The following PTPRN2 variants were observed in gnomAD, a reference collection of about 807,000 sequenced individuals.
The protein encoded by PTPRN2 is receptor-type tyrosine-protein phosphatase N2.
In PTPRN2, 74 loss-of-function variants were observed where a neutral mutation model predicts 118.8. The ratio of observed to expected loss-of-function variants is 0.62; its 90% CI spans 0.52 to 0.76. The LOEUF (loss-of-function observed/expected upper bound fraction) is 0.76. Ranked by LOEUF, PTPRN2 falls within the 30% of genes least tolerant of loss-of-function variation. PTPRN2 has a pLI of 0.00. For synonymous variants in PTPRN2, 641 were observed against 608.0 expected (o/e 1.05, Z -0.80); for missense variants, 1,481 against 1,394.4 (o/e 1.06, Z -0.99).
At chr7:158,390,145 G>A (rs57972912) in intron 2 of PTPRN2, among the ~76,000 whole-genome samples, 4,810 of 148,550 alleles carry the variant, frequency 0.032, 96 homozygotes, top group Middle Eastern at 0.086. Context: ...CTCATCCCCC[G>A]GCTGCTGAGT....
intron 2 of PTPRN2, among the ~76,000 whole-genome samples, chr7:158,334,545 C>A (rs1276558469): frequency 4.0e-4 from 44 of 109,244 alleles, no homozygotes; most frequent in Non-Finnish European, 5.2e-4. Context: ...TCACTCACAC[C>A]CACACTCTCA....
chr7:158,050,087 A>T lies in PTPRN2; in HGVS notation c.1723+31211T>A, dbSNP rs1809213380. 4.6e-5 allele frequency among the ~76,000 whole-genome samples: 7 copies of T among 152,350 alleles called. No individual in the cohort carries two copies. The South Asian group carries it at 1.4e-3, about 32-fold the overall frequency. On this transcript the variant is annotated intron_variant, in intron 11 of 22. Transcript: ENST00000389418. Reference sequence around the variant, plus strand: ...AAAATACATGTAGGGTAATGGGCACATTGTGATTTATATAACAAGCGTGTT... The same window carrying T: ...AAAATACATGTAGGGTAATGGGCACTTTGTGATTTATATAACAAGCGTGTT...
At chr7:158,062,190 G>A (rs184894880) in intron 11 of PTPRN2, among the ~76,000 whole-genome samples, 45 of 152,378 alleles carry the variant, frequency 3.0e-4, no homozygotes, top group Admixed American at 6.5e-4. Context: ...GCAGAGGAGC[G>A]TTGGCCCAGT....
At position 158,514,676 on chromosome 7, in the gene PTPRN2, C is replaced by A. The variant is rs184676901; in HGVS notation, c.113-24891G>T. 1.7e-3 allele frequency among the ~76,000 whole-genome samples: 263 copies of A among 152,320 alleles called. 3 individuals carry two copies. Among genetic ancestry groups the A allele is most frequent in the Middle Eastern group, 6.8e-3 (2 of 294 alleles). ...ATACCTACTTTCCAAACACATCATC[C>A]ATCAACATGCATGCAGCTGTTTACT... On this transcript the variant is annotated intron_variant, in intron 1 of 22. Coordinates refer to ENST00000389418, the MANE Select transcript of PTPRN2 (RefSeq NM_002847.5).
intron 2 of PTPRN2, among the ~76,000 whole-genome samples, chr7:158,372,472 C>G (rs1328924186): frequency 6.6e-6 from 1 of 151,046 alleles, no homozygotes; most frequent in African/African-American, 2.4e-5. Flanking sequence ...AGCTGATCCC[C>G]CCAATGCTGG....
In PTPRN2 at chr7:158,003,296, C is replaced by T. The variant is rs1006502667; in HGVS notation, c.1723+78002G>A. ...GGGCGTGTTGGCGGGCGCCTGTAGT[C>T]CCAGCTACTTGGGAGGCTGAGGCAG... On this transcript the variant is annotated intron_variant, in intron 11 of 22. Coordinates refer to ENST00000389418, the MANE Select transcript of PTPRN2 (RefSeq NM_002847.5). This position sits in a 1 kb window ranked among gnomAD's most constrained non-coding sequence, Gnocchi z 5.0. Among the ~76,000 whole-genome samples, 4 of 151,700 alleles carry T rather than the reference C, an allele frequency of 2.6e-5. No individual in the cohort carries two copies. The highest frequency in any genetic ancestry group is 9.7e-5 in the African/African-American group (4 of 41,348).
chr7:157,872,706 G>T (rs755092471), intron 12 of PTPRN2, among the ~76,000 whole-genome samples: 2 of 152,272 alleles, frequency 1.3e-5, no homozygotes, highest in Non-Finnish European at 2.9e-5. Flanking sequence ...CCATCTTGCA[G>T]GAGGTAGAAG....
rs1189770787 is a variant in PTPRN2, at chr7:158,149,804, A to G, written c.911-11289T>C. On this transcript the variant is annotated intron_variant, in intron 6 of 22. Transcript: ENST00000389418. ...GAGTGACAGAGCAAGAGTCCATCTCAAAAAAAAAAAAAAGATAAACCCAAG... is the reference window on the plus strand; with the variant it reads ...GAGTGACAGAGCAAGAGTCCATCTCGAAAAAAAAAAAAAGATAAACCCAAG... Among the ~76,000 whole-genome samples the G allele has an allele frequency of 9.8e-5, 5 of 51,152 alleles. No homozygotes were observed. The East Asian group carries it at 1.3e-3, about 14-fold the overall frequency. 33.6% of individuals were successfully genotyped at this position (51,152 alleles called of 152,430 possible). A position where few individuals can be genotyped will look rare whatever the true frequency, so the allele number is the denominator to read the frequency against.
At chr7:158,017,000 T>C (rs1193747878) in intron 11 of PTPRN2, among the ~76,000 whole-genome samples, 2 of 152,218 alleles carry the variant, frequency 1.3e-5, no homozygotes, top group African/African-American at 4.8e-5. Context: ...ACATTGCGTT[T>C]GGTATAACCT....
At position 158,312,981 on chromosome 7, in the gene PTPRN2, CAT is replaced by C. The variant is rs112351541; in HGVS notation, c.277+3836_277+3837del. ...GCGTGTGTGCATGTCTACATGTGAG[CAT>C]GTGTGTGTGCAGGTGAGTGTGCAGG... is the stretch of plus-strand genomic sequence containing the variant. On this transcript the variant is annotated intron_variant, in intron 3 of 22. Coordinates refer to ENST00000389418, the MANE Select transcript of PTPRN2 (RefSeq NM_002847.5). Among the ~76,000 whole-genome samples, 317 of 151,346 alleles carry C rather than the reference CAT, an allele frequency of 2.1e-3. 3 individuals are homozygous for C. Among genetic ancestry groups the C allele is most frequent in the African/African-American group, 7.0e-3 (289 of 41,182 alleles).
Position 158,421,984 on chromosome 7 carries a change from G to T in PTPRN2, c.163+67751C>A, listed in dbSNP as rs1395088375. ...TCAAGCAACAGATGCTGAAGCTAGAGACCAAGTTACTGATGAGGGAGGTAG... is the reference window on the plus strand; with the variant it reads ...TCAAGCAACAGATGCTGAAGCTAGATACCAAGTTACTGATGAGGGAGGTAG... On this transcript the variant is annotated intron_variant, in intron 2 of 22. Coordinates refer to ENST00000389418, the MANE Select transcript of PTPRN2 (RefSeq NM_002847.5). Among the ~76,000 whole-genome samples, 6 of 152,200 alleles carry T rather than the reference G, an allele frequency of 3.9e-5. No homozygotes were observed. The East Asian group carries it at 1.2e-3, about 29-fold the overall frequency.
At chr7:157,546,158 A>G (rs529226529) in intron 22 of PTPRN2, among the ~76,000 whole-genome samples, 32 of 152,326 alleles carry the variant, frequency 2.1e-4, no homozygotes, top group African/African-American at 7.7e-4. Flanking sequence ...CAGTCCAAGA[A>G]GGAAGCAGCT....
At chr7:158,331,217 C>A (rs555109389) in intron 2 of PTPRN2, among the ~76,000 whole-genome samples, 2 of 150,274 alleles carry the variant, frequency 1.3e-5, no homozygotes, top group African/African-American at 5.0e-5. Flanking sequence ...ACACTCTCAC[C>A]ATAAGAGCTG....
chr7:158,263,565 GTTGT>G (rs1222203095), intron 3 of PTPRN2, among the ~76,000 whole-genome samples: 2 of 152,220 alleles, frequency 1.3e-5, no homozygotes, highest in Non-Finnish European at 2.9e-5. Context: ...TTGCCCCACC[GTTGT>G]TTGTGTATTT....
rs201455022 is a variant in PTPRN2 at position 158,171,119 on chromosome 7, C to CATAT, written c.550-3832_550-3829dup. On this transcript the variant is annotated intron_variant, in intron 5 of 22. Transcript: ENST00000389418. ...ATATATATACACATATATATACACA[C>CATAT]ATATATACACATATATACACACATA... 1.1e-3 allele frequency among the ~76,000 whole-genome samples: 132 copies of CATAT among 120,336 alleles called. 18 individuals carry two copies. Among genetic ancestry groups the CATAT allele is most frequent in the Middle Eastern group, 4.8e-3 (1 of 208 alleles). The allele number at this position is 120,336 out of a possible 152,430, so 78.9% of individuals were successfully genotyped here. A position where few individuals can be genotyped will look rare whatever the true frequency, so the allele number is the denominator to read the frequency against.
chr7:157,797,125 C>T lies in PTPRN2; in HGVS notation c.1788+101548G>A, dbSNP rs555334315. On this transcript the variant is annotated intron_variant, in intron 12 of 22. Coordinates refer to ENST00000389418, the MANE Select transcript of PTPRN2 (RefSeq NM_002847.5). ...TCCCAGCCCTCAACACGGCCCACGG[C>T]TGTGTCATCCCGGATTTATCACTAT... 1.4e-4 allele frequency among the ~76,000 whole-genome samples: 22 copies of T among 152,236 alleles called. 1 individual carries two copies. Among genetic ancestry groups the T allele is most frequent in the Non-Finnish European group, 2.6e-4 (18 of 68,044 alleles).
At chr7:158,435,918 G>A (rs188200657) in intron 2 of PTPRN2, among the ~76,000 whole-genome samples, 1 of 152,148 alleles carries the variant, frequency 6.6e-6, no homozygotes, top group Non-Finnish European at 1.5e-5. Context: ...CAGGGGCTGG[G>A]TCGGGGCAGG....
intron 2 of PTPRN2, among the ~76,000 whole-genome samples, chr7:158,449,092 G>C (rs549672889): frequency 2.0e-5 from 3 of 152,136 alleles, no homozygotes; most frequent in Non-Finnish European, 4.4e-5. Flanking sequence ...GTGTGTTTAG[G>C]GTCCAGGGAC....
chr7:158,128,422 TC>T (rs1279424480), intron 9 of PTPRN2, among the ~76,000 whole-genome samples: 2 of 152,222 alleles, frequency 1.3e-5, no homozygotes, highest in Middle Eastern at 3.4e-3. Flanking sequence ...ATTTTTTTTT[TC>T]TTTAACCCAC....
Sources: gnomAD v4.1 joint callset for allele counts (sites outside exome capture counted in the v4.1 genomes callset) on GRCh38, gnomAD v4.1.1 for gene constraint, Gnocchi (gnomAD v3.1) non-coding constraint, MANE v1.5 for transcripts, NCBI Gene and HGNC (gene_info 2026-07-23, HGNC 2026-07-21) for gene names.